The following NRL variants were observed in gnomAD, a reference collection of about 807,000 sequenced individuals.
NRL encodes neural retina leucine zipper, also known as neural retina-specific leucine zipper protein.
Under a neutral mutation model 12.5 loss-of-function variants are expected in NRL, and 16 were observed. The observed-to-expected ratio is 1.28, with a 90% CI of 0.87 to 1.95. NRL has a LOEUF of 1.95. Among genes scored for constraint, NRL ranks in the 30% most tolerant of loss-of-function variants. The pLI is 0.00. For synonymous variants in NRL, 142 were observed against 150.9 expected (o/e 0.94, Z 0.43); for missense variants, 314 against 325.8 (o/e 0.96, Z 0.28).
At chr14:24,103,642 G>C in intron 1 of NRL, 1 of 1,614,202 alleles carries the variant, frequency 6.2e-7, no homozygotes, top group Non-Finnish European at 8.5e-7. Flanking sequence ...CATGTCAACT[G>C]GTTCCGGCGT....
Position 24,078,738 on chromosome 14 carries a change from T to G in NRL, c.*2498A>C, listed in dbSNP as rs1044741158. Among the ~76,000 whole-genome samples, 2 of 152,242 alleles carry G rather than the reference T, an allele frequency of 1.3e-5. No homozygotes were observed. The highest frequency in any genetic ancestry group is 2.4e-5 in the African/African-American group (1 of 41,460). On this transcript the variant is annotated 3_prime_UTR_variant, in exon 3 of 3. Transcript: ENST00000561028. ...TTTATTCTCAGTAGGTGGTTACCAT[T>G]ATTTTCACCATTTTTCTGACAATCA...
chr14:24,106,166 G>A (rs937532287), intron 1 of NRL, among the ~76,000 whole-genome samples: 3 of 152,206 alleles, frequency 2.0e-5, no homozygotes, highest in African/African-American at 4.8e-5. Context: ...CATGAGTCAG[G>A]GGCATCAGCT....
intron 1 of NRL, among the ~76,000 whole-genome samples, chr14:24,109,569 G>A (rs1434016002): frequency 2.0e-5 from 3 of 151,842 alleles, no homozygotes; most frequent in African/African-American, 4.8e-5. Flanking sequence ...ATGGTGGCGG[G>A]CGCCTGTAGT....
At chr14:24,096,018 G>C (rs1225409139) in intron 1 of NRL, among the ~76,000 whole-genome samples, 1 of 152,164 alleles carries the variant, frequency 6.6e-6, no homozygotes. Context: ...CCTGGCACTG[G>C]AAAGACTGTG....
chr14:24,109,262 T>C (rs2037382373), intron 1 of NRL, among the ~76,000 whole-genome samples: 1 of 152,198 alleles, frequency 6.6e-6, no homozygotes, highest in Admixed American at 6.5e-5. Flanking sequence ...TCAAAATGAC[T>C]TCACCATAAT....
At chr14:24,098,633 T>C in intron 1 of NRL, 1 of 1,614,018 alleles carries the variant, frequency 6.2e-7, no homozygotes, top group Non-Finnish European at 8.5e-7. Flanking sequence ...AGATGGTGAC[T>C]TTGTCAAGTG....
At chr14:24,087,418 AAG>A (rs1393657987) in intron 1 of NRL, among the ~76,000 whole-genome samples, 2 of 152,176 alleles carry the variant, frequency 1.3e-5, no homozygotes, top group East Asian at 1.9e-4. Context: ...ACCATGGGGA[AAG>A]AGGGGCAGGC....
In NRL at chr14:24,080,003, C is replaced by CA. The variant is rs2036232093; in HGVS notation, c.*1232dup. The CA allele has an allele frequency of 6.6e-6, 1 of 152,360 alleles. No individual in the cohort carries two copies. The highest frequency in any genetic ancestry group is 6.5e-5 in the Admixed American group (1 of 15,298). The allele number at this position is 152,360 out of a possible 1,614,324, so 9.4% of individuals were successfully genotyped here. The stretch of plus-strand genomic sequence containing the variant: ...CATTGGCTCTCCATAACAGATGTGC[C>CA]ACCCAGCTCCAGGTGGGGACTTCCC... On this transcript the variant is annotated 3_prime_UTR_variant, in exon 3 of 3. Transcript: ENST00000561028.
intron 1 of NRL, among the ~76,000 whole-genome samples, chr14:24,095,701 A>G (rs1001795642): frequency 2.0e-5 from 3 of 152,112 alleles, no homozygotes; most frequent in African/African-American, 7.2e-5. Flanking sequence ...CATCCCCTTC[A>G]TGGTCTTTGC....
At position 24,094,493 on chromosome 14, in the gene NRL, G is replaced by A. The variant is rs2036765347; in HGVS notation, c.-27-11618C>T. Reference sequence around the variant, plus strand: ...CTTCCGCTGCGCTCGCCCCCTCGGGGCTGCCAGTGGCGCTCTCCTGCTCTC... The same window carrying A: ...CTTCCGCTGCGCTCGCCCCCTCGGGACTGCCAGTGGCGCTCTCCTGCTCTC... On this transcript the variant is annotated intron_variant, in intron 1 of 2. Coordinates refer to ENST00000561028, the MANE Select transcript of NRL (RefSeq NM_001354768.3). The surrounding 1 kb of genome is among the most constrained non-coding windows in gnomAD (Gnocchi z 4.1). The A allele has an allele frequency of 6.8e-7, 1 of 1,475,728 alleles. No homozygotes were observed. Among genetic ancestry groups the A allele is most frequent in the Non-Finnish European group, 8.9e-7 (1 of 1,120,916 alleles). The allele number at this position is 1,475,728 out of a possible 1,614,324, so 91.4% of individuals were successfully genotyped here.
In NRL at chr14:24,105,919, AT is replaced by A. The variant is rs1384980700; in HGVS notation, c.-28+8802del. On this transcript the variant is annotated intron_variant, in intron 1 of 2. Coordinates refer to ENST00000561028, the MANE Select transcript of NRL (RefSeq NM_001354768.3). ...GACTCTGTCTCAAAAAAATAAAAAAATAAAAAGTCACCTATTCCGTGTTTCT... is the reference window on the plus strand; with the variant it reads ...GACTCTGTCTCAAAAAAATAAAAAAAAAAAAGTCACCTATTCCGTGTTTCT... Among the ~76,000 whole-genome samples the A allele has an allele frequency of 5.9e-5, 9 of 152,362 alleles. 1 individual carries two copies. In the East Asian group the frequency reaches 1.7e-3, roughly 29 times the overall value.
Position 24,094,163 on chromosome 14 carries a change from C to T in NRL, c.-27-11288G>A, listed in dbSNP as rs1405937021. 3.7e-6 allele frequency: 2 copies of T among 546,270 alleles called. No homozygotes were observed. Among genetic ancestry groups the T allele is most frequent in the Admixed American group, 3.9e-5 (1 of 25,676 alleles). 33.8% of individuals were successfully genotyped at this position (546,270 alleles called of 1,614,324 possible). The stretch of plus-strand genomic sequence containing the variant: ...GGCGGTTTGGAGGCAGGGGTTGGGG[C>T]GGCGGCTGGGCTGACCTGGAGCCTG... On this transcript the variant is annotated intron_variant, in intron 1 of 2. Coordinates refer to ENST00000561028, the MANE Select transcript of NRL (RefSeq NM_001354768.3). The surrounding 1 kb of genome is among the most constrained non-coding windows in gnomAD (Gnocchi z 4.1).
At chr14:24,100,372 T>C (rs990428663) in intron 1 of NRL, 1 of 1,426,988 alleles carries the variant, frequency 7.0e-7, no homozygotes, top group South Asian at 1.5e-5. Context: ...TCTCAGTTCA[T>C]GTCCCAACTC....
chr14:24,082,102 T>C, intron 2 of NRL: 3 of 1,229,024 alleles, frequency 2.4e-6, no homozygotes, highest in Non-Finnish European at 3.1e-6. Flanking sequence ...AAGGCCAATC[T>C]AAACCAGTCT....
At position 24,081,723 on chromosome 14, in the gene NRL, A is replaced by G. The variant is rs753708075; in HGVS notation, c.382-155T>C. ...CCTTCCACGCAGTCTGTTTCGGTCC[A>G]GAGCCCGCCCCAGGCCCCGACGCTC... is the stretch of plus-strand genomic sequence containing the variant. On this transcript the variant is annotated intron_variant, in intron 2 of 2. Coordinates refer to ENST00000561028, the MANE Select transcript of NRL (RefSeq NM_001354768.3). The surrounding 1 kb of genome is among the most constrained non-coding windows in gnomAD (Gnocchi z 4.4). The G allele has an allele frequency of 1.5e-5, 23 of 1,523,634 alleles. No homozygotes were observed. The Middle Eastern group carries it at 6.8e-4, about 45-fold the overall frequency. The allele number at this position is 1,523,634 out of a possible 1,614,324, so 94.4% of individuals were successfully genotyped here. A position where few individuals can be genotyped will look rare whatever the true frequency, so the allele number is the denominator to read the frequency against.
intron 1 of NRL, among the ~76,000 whole-genome samples, chr14:24,083,525 C>G (rs2036383150): frequency 6.6e-6 from 1 of 152,160 alleles, no homozygotes; most frequent in African/African-American, 2.4e-5. Context: ...AACTGGCCAC[C>G]ATCTTTCCTC....
At chr14:24,103,114 G>T in intron 1 of NRL, 1 of 1,474,686 alleles carries the variant, frequency 6.8e-7, no homozygotes, top group Non-Finnish European at 9.5e-7. Flanking sequence ...TGGAGTTAGG[G>T]TCCAAAGAAA....
intron 1 of NRL, among the ~76,000 whole-genome samples, chr14:24,105,593 G>C (rs1271403062): frequency 1.3e-5 from 2 of 152,240 alleles, no homozygotes; most frequent in Non-Finnish European, 2.9e-5. Context: ...TTTCATAGTA[G>C]TATAGACATC....
chr14:24,105,996 T>C (rs754173274), intron 1 of NRL, among the ~76,000 whole-genome samples: 2 of 152,246 alleles, frequency 1.3e-5, no homozygotes, highest in Non-Finnish European at 2.9e-5. Context: ...AAAATGCAGA[T>C]TGTCACTCAG....
Sources: gnomAD v4.1 joint callset for allele counts (sites outside exome capture counted in the v4.1 genomes callset) on GRCh38, gnomAD v4.1.1 for gene constraint, Gnocchi (gnomAD v3.1) non-coding constraint, MANE v1.5 for transcripts, NCBI Gene and HGNC (gene_info 2026-07-23, HGNC 2026-07-21) for gene names.